Variants in LINGO2 observed in about 807,000 individuals in gnomAD.
The protein encoded by LINGO2 is leucine-rich repeat and immunoglobulin-like domain-containing nogo receptor-interacting protein 2.
LINGO2 carries 14 observed loss-of-function variants against 30.6 expected under a neutral mutation model. The observed-to-expected ratio is 0.46, with a 90% CI of 0.30 to 0.72. The LOEUF is 0.72. Ranked by LOEUF, LINGO2 falls within the 30% of genes least tolerant of loss-of-function variation. LINGO2 has a pLI of 0.07. For missense variants in LINGO2, 729 were observed against 751.7 expected, an observed-to-expected ratio of 0.97 and a Z score of 0.35; for synonymous variants, 317 against 288.5, an observed-to-expected ratio of 1.10 and a Z score of -1.00.
At chr9:28,065,670 T>G (rs1388539963) in intron 4 of LINGO2, among the ~76,000 whole-genome samples, 1 of 152,144 alleles carries the variant, frequency 6.6e-6, no homozygotes, top group South Asian at 2.1e-4. Context: ...TTGAGAGTCT[T>G]TCAGGAATCC....
chr9:28,664,306 A>G (rs1011540252), intron 1 of LINGO2, among the ~76,000 whole-genome samples: 22 of 152,078 alleles, frequency 1.4e-4, no homozygotes, highest in Non-Finnish European at 1.8e-4. Flanking sequence ...ATCTGCAAGG[A>G]ACAATGACAA....
the LINGO2 span, among the ~76,000 whole-genome samples, chr9:28,968,166 G>A: frequency 1.3e-5 from 2 of 152,166 alleles, no homozygotes; most frequent in East Asian, 3.9e-4. Context: ...ATGAGCCACA[G>A]ATCACAGACA....
chr9:28,756,709 C>T, the LINGO2 span, among the ~76,000 whole-genome samples: 3 of 151,974 alleles, frequency 2.0e-5, no homozygotes, highest in African/African-American at 7.3e-5. Context: ...TCTCATGGTT[C>T]TGATGGTTTT....
chr9:28,823,430 C>G, the LINGO2 span, among the ~76,000 whole-genome samples: 1 of 152,156 alleles, frequency 6.6e-6, no homozygotes, highest in Non-Finnish European at 1.5e-5. Context: ...AGATATGTAG[C>G]TCTTTTAGGA....
At chr9:28,233,761 A>G (rs536167629) in intron 4 of LINGO2, among the ~76,000 whole-genome samples, 1 of 152,246 alleles carries the variant, frequency 6.6e-6, no homozygotes, top group Non-Finnish European at 1.5e-5. Flanking sequence ...CCACAATAGG[A>G]TAGGCACCAG....
At chr9:28,141,554 T>C (rs1827672532) in intron 4 of LINGO2, among the ~76,000 whole-genome samples, 2 of 152,228 alleles carry the variant, frequency 1.3e-5, no homozygotes, top group South Asian at 4.1e-4. Flanking sequence ...TTCTGCAGCC[T>C]GGGTTACACT....
chr9:28,647,221 A>T (rs886964325), intron 1 of LINGO2, among the ~76,000 whole-genome samples: 1 of 152,120 alleles, frequency 6.6e-6, no homozygotes, highest in Admixed American at 6.6e-5. Context: ...TTGCCCTGAA[A>T]TTGATCAAAC....
In LINGO2 at chr9:28,129,920, G is replaced by A. The variant is rs768373016; in HGVS notation, c.-86-117515C>T. On this transcript the variant is annotated intron_variant, in intron 4 of 5. Transcript: ENST00000379992. This position sits in a 1 kb window ranked among gnomAD's most constrained non-coding sequence, Gnocchi z 4.0. ...ATAGAATGAGAAATAACTAAGATCC[G>A]TGTTTTGAGCCAGAACATGTGAATC... is the stretch of plus-strand genomic sequence containing the variant. 6.6e-6 allele frequency among the ~76,000 whole-genome samples: 1 copy of A among 152,160 alleles called. No homozygotes were observed. The highest frequency in any genetic ancestry group is 2.4e-5 in the African/African-American group (1 of 41,424).
At chr9:27,978,623 T>C (rs1000175851) in intron 5 of LINGO2, among the ~76,000 whole-genome samples, 3 of 152,126 alleles carry the variant, frequency 2.0e-5, no homozygotes, top group Non-Finnish European at 2.9e-5. Context: ...CTTCCTACTA[T>C]GCAAAACTGT....
the LINGO2 span, among the ~76,000 whole-genome samples, chr9:28,688,203 G>T: frequency 6.6e-6 from 1 of 152,062 alleles, no homozygotes; most frequent in Non-Finnish European, 1.5e-5. Flanking sequence ...ATATCACAAT[G>T]ACCCCATTAA....
chr9:28,990,514 G>C, the LINGO2 span, among the ~76,000 whole-genome samples: 52 of 152,338 alleles, frequency 3.4e-4, no homozygotes, highest in Non-Finnish European at 5.9e-4. Flanking sequence ...GGTTCTCCCA[G>C]CATGCAGCTG....
chr9:29,212,392 C>A, the LINGO2 span, among the ~76,000 whole-genome samples: 1 of 151,910 alleles, frequency 6.6e-6, no homozygotes, highest in Non-Finnish European at 1.5e-5. Context: ...AGGCGACCTG[C>A]GGCGCCCAGG....
chr9:28,523,813 A>G (rs1050376457), intron 1 of LINGO2, among the ~76,000 whole-genome samples: 1 of 152,090 alleles, frequency 6.6e-6, no homozygotes, highest in African/African-American at 2.4e-5. Context: ...TATGGATTGG[A>G]TATCTGAATA....
At chr9:28,956,812 C>T in the LINGO2 span, among the ~76,000 whole-genome samples, 1 of 136,370 alleles carries the variant, frequency 7.3e-6, no homozygotes, top group Non-Finnish European at 1.6e-5. Context: ...CCTTGTCATT[C>T]CCTCACAGTC....
At chr9:29,196,916 A>T in the LINGO2 span, among the ~76,000 whole-genome samples, 1 of 152,060 alleles carries the variant, frequency 6.6e-6, no homozygotes. Flanking sequence ...CCCAGGTTAG[A>T]TAACTCACTC....
intron 4 of LINGO2, among the ~76,000 whole-genome samples, chr9:28,040,446 G>T (rs62556470): frequency 9.7e-5 from 13 of 133,964 alleles, no homozygotes; most frequent in African/African-American, 3.8e-4. Flanking sequence ...TTTTTTTTTG[G>T]ACAGGGATTC....
the LINGO2 span, among the ~76,000 whole-genome samples, chr9:28,946,737 A>G: frequency 6.6e-6 from 1 of 152,140 alleles, no homozygotes; most frequent in Non-Finnish European, 1.5e-5. Flanking sequence ...ATCTTCAGCA[A>G]TAGACATGGT....
intron 2 of LINGO2, among the ~76,000 whole-genome samples, chr9:28,467,035 T>TGGG (rs397724395): frequency 5.0e-5 from 7 of 140,252 alleles, no homozygotes; most frequent in South Asian, 2.4e-4. Flanking sequence ...TCTTTTTTTT[T>TGGG]GGGGGGGGGG....
At chr9:28,180,382 T>G (rs1828878160) in intron 4 of LINGO2, among the ~76,000 whole-genome samples, 1 of 152,190 alleles carries the variant, frequency 6.6e-6, no homozygotes, top group South Asian at 2.1e-4. Flanking sequence ...AATTTCCAAG[T>G]GTCTATTTTA....
Sources: gnomAD v4.1 joint callset for allele counts (sites outside exome capture counted in the v4.1 genomes callset) on GRCh38, gnomAD v4.1.1 for gene constraint, Gnocchi (gnomAD v3.1) non-coding constraint, MANE v1.5 for transcripts, NCBI Gene and HGNC (gene_info 2026-07-23, HGNC 2026-07-21) for gene names.